Variants in CACNB4 observed in about 807,000 individuals in gnomAD.
CACNB4 encodes the protein voltage-dependent L-type calcium channel subunit beta-4.
In CACNB4, 32 loss-of-function variants were observed where a neutral mutation model predicts 71.2. That is an observed-to-expected ratio of 0.45 (90% CI 0.34 to 0.60). CACNB4 has a LOEUF of 0.60. Among genes scored for constraint, CACNB4 ranks in the 20% least tolerant of loss-of-function variants. The pLI is 0.01. For missense variants in CACNB4, 464 were observed against 647.9 expected, an observed-to-expected ratio of 0.72 and a Z score of 3.08; for synonymous variants, 231 against 236.9, an observed-to-expected ratio of 0.97 and a Z score of 0.23.
chr2:152,031,129 G>C (rs2105188717), intron 2 of CACNB4, among the ~76,000 whole-genome samples: 1 of 152,244 alleles, frequency 6.6e-6, no homozygotes, highest in South Asian at 2.1e-4. Context: ...AAGAAAAAGA[G>C]GAACCAAGAG....
intron 2 of CACNB4, among the ~76,000 whole-genome samples, chr2:151,888,878 G>A (rs561702571): frequency 2.0e-5 from 3 of 152,272 alleles, no homozygotes; most frequent in South Asian, 2.1e-4. Flanking sequence ...CTAAACCAGC[G>A]CTGTCCAATG....
Position 151,835,333 on chromosome 2 carries a change from T to G in CACNB4, c.*3786A>C, listed in dbSNP as rs1169465796. The stretch of plus-strand genomic sequence containing the variant: ...TGCCAAACAGCATTTTGGAAACAGT[T>G]TAAAATCTAAAGGGAAGGCATATTT... On this transcript the variant is annotated 3_prime_UTR_variant, in exon 14 of 14. Transcript: ENST00000539935. The G allele has an allele frequency of 6.6e-6, 1 of 151,914 alleles. No individual in the cohort carries two copies. Among genetic ancestry groups the G allele is most frequent in the Non-Finnish European group, 1.5e-5 (1 of 67,796 alleles). 9.4% of individuals were successfully genotyped at this position (151,914 alleles called of 1,614,324 possible). A position where few individuals can be genotyped will look rare whatever the true frequency, so the allele number is the denominator to read the frequency against.
At chr2:151,973,889 C>T in intron 2 of CACNB4, 1 of 1,436,340 alleles carries the variant, frequency 7.0e-7, no homozygotes, top group Non-Finnish European at 9.1e-7. Context: ...TGAGGTTATC[C>T]CCAGAGGCAG....
intron 2 of CACNB4, among the ~76,000 whole-genome samples, chr2:151,912,460 C>T (rs1413533746): frequency 5.2e-5 from 3 of 58,106 alleles, no homozygotes; most frequent in Non-Finnish European, 1.1e-4. Flanking sequence ...GCTCAATTTC[C>T]ATGTAATTGT....
chr2:151,852,932 T>A, intron 12 of CACNB4: 1 of 152,556 alleles, frequency 6.6e-6, no homozygotes, highest in Admixed American at 6.5e-5. Flanking sequence ...AGCTGTTTTC[T>A]GGCAATGGCA....
intron 2 of CACNB4, among the ~76,000 whole-genome samples, chr2:152,081,698 G>C (rs893682011): frequency 1.3e-5 from 2 of 151,934 alleles, no homozygotes; most frequent in African/African-American, 2.4e-5. Context: ...CCTCCCAAAG[G>C]CCGCACCTCC....
rs184332833 is a variant in CACNB4, at chr2:151,846,544, T to G, written c.1117-4456A>C. Among the ~76,000 whole-genome samples the G allele has an allele frequency of 2.6e-5, 4 of 152,116 alleles. No homozygotes were observed. The East Asian group carries it at 7.7e-4, about 29-fold the overall frequency. Reference sequence around the variant, plus strand: ...TAATTTTAACTTTTGTTTGTTTGTTTTTTGTTTTGTTTTGTTTTGTTTTTT... The same window carrying G: ...TAATTTTAACTTTTGTTTGTTTGTTGTTTGTTTTGTTTTGTTTTGTTTTTT... On this transcript the variant is annotated intron_variant, in intron 12 of 13. Transcript: ENST00000539935.
intron 2 of CACNB4, among the ~76,000 whole-genome samples, chr2:151,895,096 C>CCCCCA (rs762464510): frequency 1.3e-4 from 3 of 22,288 alleles, no homozygotes; most frequent in African/African-American, 1.9e-4. Flanking sequence ...TCAAATAGCC[C>CCCCCA]CACACACACA....
intron 2 of CACNB4, among the ~76,000 whole-genome samples, chr2:151,933,731 G>A (rs2099862223): frequency 6.6e-6 from 1 of 152,092 alleles, no homozygotes; most frequent in Admixed American, 6.6e-5. Flanking sequence ...AGTTGTACTG[G>A]CACTTGATAT....
At chr2:152,000,582 A>G (rs73013219) in intron 2 of CACNB4, among the ~76,000 whole-genome samples, 5,367 of 152,248 alleles carry the variant, frequency 0.035, 307 homozygotes, top group African/African-American at 0.12. Flanking sequence ...GTCTGTAACT[A>G]AATTCATTAC....
chr2:151,972,391 G>A (rs1182074615), intron 2 of CACNB4: 4 of 152,260 alleles, frequency 2.6e-5, no homozygotes, highest in Non-Finnish European at 4.4e-5. Flanking sequence ...CCAGGAAGCT[G>A]GCTTACTGAA....
intron 2 of CACNB4, among the ~76,000 whole-genome samples, chr2:151,998,551 G>C (rs1354479217): frequency 6.6e-6 from 1 of 152,146 alleles, no homozygotes; most frequent in Non-Finnish European, 1.5e-5. Flanking sequence ...TGCCTCACAA[G>C]ATTGTTATGA....
intron 2 of CACNB4, among the ~76,000 whole-genome samples, chr2:151,935,691 G>A (rs1279913563): frequency 6.6e-6 from 1 of 152,178 alleles, no homozygotes; most frequent in African/African-American, 2.4e-5. Flanking sequence ...AAGTTATTCT[G>A]TGTTTACATT....
chr2:151,958,626 ATT>A (rs1412547901), intron 2 of CACNB4, among the ~76,000 whole-genome samples: 1 of 152,180 alleles, frequency 6.6e-6, no homozygotes, highest in Non-Finnish European at 1.5e-5. Flanking sequence ...AACCTGCTGC[ATT>A]TATGACTTAA....
chr2:151,843,144 G>A (rs1233138015), intron 12 of CACNB4, among the ~76,000 whole-genome samples: 1 of 152,208 alleles, frequency 6.6e-6, no homozygotes, highest in African/African-American at 2.4e-5. Flanking sequence ...TACTCAGGAA[G>A]TTGTTCTGTT....
intron 11 of CACNB4, 180 bp from the exon 12 acceptor site, chr2:151,853,723 T>C: frequency 2.0e-6 from 1 of 490,644 alleles, no homozygotes; most frequent in Admixed American, 4.3e-5. Flanking sequence ...CTCAGTTCCA[T>C]GGATTTGATA....
intron 2 of CACNB4, chr2:151,973,786 A>T: frequency 6.4e-7 from 1 of 1,570,976 alleles, no homozygotes; most frequent in Non-Finnish European, 8.6e-7. Flanking sequence ...GCTACAGCTT[A>T]AAGAGAAAAG....
chr2:151,948,813 A>G (rs2099866206), intron 2 of CACNB4, among the ~76,000 whole-genome samples: 1 of 152,200 alleles, frequency 6.6e-6, no homozygotes, highest in Non-Finnish European at 1.5e-5. Flanking sequence ...ACTGGGAGGC[A>G]TTCATTCCTG....
intron 2 of CACNB4, among the ~76,000 whole-genome samples, chr2:151,895,720 A>G (rs2099851894): frequency 6.6e-6 from 1 of 152,082 alleles, no homozygotes; most frequent in African/African-American, 2.4e-5. Flanking sequence ...ATTAACCCTA[A>G]AATAATGATT....
Sources: allele counts gnomAD v4.1 joint callset (sites outside exome capture counted in the v4.1 genomes callset), GRCh38; gene constraint gnomAD v4.1.1; transcripts MANE v1.5; gene names NCBI Gene and HGNC (gene_info 2026-07-23, HGNC 2026-07-21).